The following PDE4B variants were observed in gnomAD, a reference collection of about 807,000 sequenced individuals.
PDE4B encodes phosphodiesterase 4B, also known as 3',5'-cyclic-AMP phosphodiesterase 4B.
Under a neutral mutation model 82.2 loss-of-function variants are expected in PDE4B, and 20 were observed. The ratio of observed to expected loss-of-function variants is 0.24; its 90% confidence interval spans 0.17 to 0.35. The LOEUF (loss-of-function observed/expected upper bound fraction) is 0.35, where lower values mean the gene tolerates loss of function less well. PDE4B is among the 10% of genes least tolerant of loss of function. PDE4B has a pLI of 1.00. For synonymous variants in PDE4B, 320 were observed against 318.9 expected (o/e 1.00, Z -0.04); for missense variants, 655 against 907.2 (o/e 0.72, Z 3.57).
At chr1:65,817,926 G>A (rs1379408826) in intron 1 of PDE4B, among the ~76,000 whole-genome samples, 1 of 151,900 alleles carries the variant, frequency 6.6e-6, no homozygotes, top group Non-Finnish European at 1.5e-5. Context: ...AACACCTCAG[G>A]AAAATGTTTC....
chr1:66,370,206 G>C (rs1008918191), intron 16 of PDE4B, among the ~76,000 whole-genome samples: 83 of 142,782 alleles, frequency 5.8e-4, no homozygotes, highest in African/African-American at 2.2e-3. Context: ...GTGCTCTGAA[G>C]TCTAATATAC....
At chr1:66,123,053 C>G (rs1645745698) in intron 3 of PDE4B, among the ~76,000 whole-genome samples, 1 of 151,924 alleles carries the variant, frequency 6.6e-6, no homozygotes, top group African/African-American at 2.4e-5. Context: ...ATCTGTTTCT[C>G]TTTTCTTTTT....
chr1:66,069,491 G>A (rs912991109), intron 3 of PDE4B, among the ~76,000 whole-genome samples: 1 of 151,768 alleles, frequency 6.6e-6, no homozygotes, highest in East Asian at 1.9e-4. Context: ...TCTGCCTTTA[G>A]CATTTTCTAC....
At chr1:66,103,996 G>A (rs1252540308) in intron 3 of PDE4B, among the ~76,000 whole-genome samples, 3 of 151,826 alleles carry the variant, frequency 2.0e-5, no homozygotes, top group African/African-American at 7.3e-5. Context: ...GTGCAGGTTA[G>A]TTACATATGT....
At chr1:66,040,461 C>T (rs954878416) in intron 3 of PDE4B, among the ~76,000 whole-genome samples, 1 of 151,938 alleles carries the variant, frequency 6.6e-6, no homozygotes, top group African/African-American at 2.4e-5. Flanking sequence ...CAATTCTTTG[C>T]TCCATTAGGG....
chr1:66,159,613 G>A (rs928217363), intron 3 of PDE4B, among the ~76,000 whole-genome samples: 2 of 152,148 alleles, frequency 1.3e-5, no homozygotes, highest in African/African-American at 2.4e-5. Flanking sequence ...TGTTTGTAAA[G>A]TGCTATAGAT....
chr1:66,338,172 A>G (rs1183372193), intron 8 of PDE4B, among the ~76,000 whole-genome samples: 1 of 152,266 alleles, frequency 6.6e-6, no homozygotes, highest in Non-Finnish European at 1.5e-5. Flanking sequence ...TGCTTTACAG[A>G]TGAGTAAAGT....
chr1:66,212,150 A>T (rs760258652), intron 3 of PDE4B, among the ~76,000 whole-genome samples: 6 of 152,114 alleles, frequency 3.9e-5, no homozygotes, highest in Non-Finnish European at 5.9e-5. Context: ...CCACTGGGAA[A>T]CTTTCTCTTC....
At chr1:65,973,157 G>A (rs917644560) in intron 3 of PDE4B, among the ~76,000 whole-genome samples, 6 of 152,022 alleles carry the variant, frequency 3.9e-5, no homozygotes, top group Non-Finnish European at 8.8e-5. Flanking sequence ...TCCTTAAAGT[G>A]GTCCCATTTC....
chr1:66,134,709 T>G (rs1020635167), intron 3 of PDE4B, among the ~76,000 whole-genome samples: 2 of 152,216 alleles, frequency 1.3e-5, no homozygotes, highest in Non-Finnish European at 2.9e-5. Context: ...GAGAGTCAAA[T>G]GAAACAATGT....
intron 3 of PDE4B, among the ~76,000 whole-genome samples, chr1:66,145,236 G>C (rs1229638516): frequency 2.0e-5 from 3 of 152,170 alleles, no homozygotes; most frequent in Non-Finnish European, 4.4e-5. Context: ...CTGGGAGGCT[G>C]TGTATCACTG....
At chr1:66,172,777 CATTATGT>C (rs57596692) in intron 3 of PDE4B, among the ~76,000 whole-genome samples, 113,227 of 151,120 alleles carry the variant, frequency 0.75, 42,836 homozygotes, top group East Asian at 0.88. Context: ...CTCATCTTCA[CATTATGT>C]ATTATGTATA....
chr1:66,350,157 C>G (rs949493376), intron 8 of PDE4B, among the ~76,000 whole-genome samples: 2 of 151,880 alleles, frequency 1.3e-5, no homozygotes, highest in South Asian at 2.1e-4. Context: ...TCCTGATGCC[C>G]GGGAATTCTT....
chr1:66,345,314 C>T (rs745475792), intron 8 of PDE4B, among the ~76,000 whole-genome samples: 1 of 152,174 alleles, frequency 6.6e-6, no homozygotes, highest in Non-Finnish European at 1.5e-5. Flanking sequence ...GTTAACAAAA[C>T]ATATCATCAC....
intron 3 of PDE4B, among the ~76,000 whole-genome samples, chr1:66,036,276 T>C (rs1432386226): frequency 6.6e-6 from 1 of 152,226 alleles, no homozygotes; most frequent in Non-Finnish European, 1.5e-5. Flanking sequence ...CTGTGGGTTG[T>C]CTCTTTACTC....
intron 7 of PDE4B, among the ~76,000 whole-genome samples, chr1:66,328,636 C>A (rs1659898957): frequency 6.6e-6 from 1 of 152,232 alleles, no homozygotes; most frequent in African/African-American, 2.4e-5. Flanking sequence ...TGTCACCTGC[C>A]TGTCTCCCTG....
At chr1:66,067,660 T>C (rs1655930059) in intron 3 of PDE4B, among the ~76,000 whole-genome samples, 1 of 152,144 alleles carries the variant, frequency 6.6e-6, no homozygotes, top group African/African-American at 2.4e-5. Context: ...CTGATGGTAG[T>C]TTCTTTTCCT....
chr1:66,263,131 C>G (rs1317243631), intron 6 of PDE4B, among the ~76,000 whole-genome samples: 1 of 152,174 alleles, frequency 6.6e-6, no homozygotes, highest in African/African-American at 2.4e-5. Context: ...TCAATCATTG[C>G]TTAAATTTCT....
intron 3 of PDE4B, among the ~76,000 whole-genome samples, chr1:66,239,695 A>G (rs1296819048): frequency 6.6e-6 from 1 of 152,192 alleles, no homozygotes; most frequent in East Asian, 1.9e-4. Context: ...GGAACAACAC[A>G]ATGGGAAATT....
Sources: gnomAD v4.1 joint callset for allele counts (sites outside exome capture counted in the v4.1 genomes callset) on GRCh38, gnomAD v4.1.1 for gene constraint, MANE v1.5 for transcripts, NCBI Gene and HGNC (gene_info 2026-07-23, HGNC 2026-07-21) for gene names.